The following IGSF5 variants were observed in gnomAD, a reference collection of about 807,000 sequenced individuals.
IGSF5 encodes the protein immunoglobulin superfamily 5 like.
Under a neutral mutation model 39.4 loss-of-function variants are expected in IGSF5, and 41 were observed. The observed-to-expected ratio is 1.04, with a 90% CI of 0.81 to 1.35. The LOEUF (loss-of-function observed/expected upper bound fraction) is 1.35, where lower values mean the gene tolerates loss of function less well. IGSF5 is among the 40% of genes most tolerant of loss of function. The pLI, the probability that IGSF5 is intolerant of heterozygous loss-of-function variation, is 0.00. For missense variants in IGSF5, 487 were observed against 494.6 expected (o/e 0.98, Z 0.15); for synonymous variants, 183 against 175.3 (o/e 1.04, Z -0.34).
intron 4 of IGSF5, among the ~76,000 whole-genome samples, chr21:39,776,690 G>C (rs1326695589): frequency 6.6e-6 from 1 of 152,162 alleles, no homozygotes; most frequent in East Asian, 1.9e-4. Context: ...CTCTGGGCTA[G>C]ATTAGAGGAA....
intron 2 of IGSF5, among the ~76,000 whole-genome samples, chr21:39,757,579 C>CTTT (rs35315186): frequency 7.6e-6 from 1 of 130,734 alleles, no homozygotes; most frequent in Non-Finnish European, 1.6e-5. Flanking sequence ...AATGTGCATT[C>CTTT]TTTTTTTTTT....
intron 4 of IGSF5, 100 bp from the exon 5 acceptor site, chr21:39,778,990 T>G: frequency 7.0e-7 from 1 of 1,421,942 alleles, no homozygotes; most frequent in Non-Finnish European, 9.5e-7. Flanking sequence ...GGCTGAATAG[T>G]TATAATATTA....
chr21:39,746,195 A>G (rs962734463), intron 1 of IGSF5, 21 bp from the exon 2 acceptor site: 1 of 701,644 alleles, frequency 1.4e-6, no homozygotes, highest in African/African-American at 1.7e-5. Context: ...GGAAGTGGCA[A>G]TGGGCGCCTC....
upstream of IGSF5, among the ~76,000 whole-genome samples, chr21:39,742,737 C>T (rs191914314): frequency 6.6e-6 from 1 of 152,088 alleles, no homozygotes; most frequent in African/African-American, 2.4e-5. Flanking sequence ...TTTTACAGAG[C>T]CTCCAAAGTC....
intron 3 of IGSF5, among the ~76,000 whole-genome samples, chr21:39,767,379 G>GGGAGCCAGAGTGGTCTAGTGGTCA (rs2080092133): frequency 6.6e-6 from 1 of 152,136 alleles, no homozygotes; most frequent in Non-Finnish European, 1.5e-5. Flanking sequence ...ACATTAAGTT[G>GGGAGCCAGAGTGGTCTAGTGGTCA]GGAGCCAGAG....
At chr21:39,723,010 TA>T in the IGSF5 span, among the ~76,000 whole-genome samples, 5 of 152,242 alleles carry the variant, frequency 3.3e-5, no homozygotes, top group African/African-American at 1.2e-4. Flanking sequence ...ATTTTACCTA[TA>T]AAAATGCATT....
At chr21:39,766,471 CT>C (rs2080087935) in intron 3 of IGSF5, among the ~76,000 whole-genome samples, 1 of 152,176 alleles carries the variant, frequency 6.6e-6, no homozygotes, top group Admixed American at 6.5e-5. Flanking sequence ...TGCTTTAACT[CT>C]TTCCTCTTTC....
chr21:39,758,217 CA>C (rs2080042537), intron 2 of IGSF5, among the ~76,000 whole-genome samples: 1 of 152,094 alleles, frequency 6.6e-6, no homozygotes, highest in Non-Finnish European at 1.5e-5. Flanking sequence ...CTGGAACACA[CA>C]ACTGCCAGAA....
At position 39,801,932 on chromosome 21, in the gene IGSF5, C is replaced by G. The variant is rs2087032412; in HGVS notation, c.*575C>G. On this transcript the variant is annotated 3_prime_UTR_variant, in exon 9 of 9. Coordinates refer to ENST00000380588, the MANE Select transcript of IGSF5 (RefSeq NM_001080444.2). ...TTTACATGAAGGCATTCATTTTTAT[C>G]TGCCCCTTTATCAGACCTATTTGCA... is the stretch of plus-strand genomic sequence containing the variant. The G allele has an allele frequency of 6.6e-6, 1 of 152,548 alleles. No homozygotes were observed. The highest frequency in any genetic ancestry group is 1.5e-5 in the Non-Finnish European group (1 of 68,326). The allele number at this position is 152,548 out of a possible 1,614,324, so 9.4% of individuals were successfully genotyped here.
intron 8 of IGSF5, among the ~76,000 whole-genome samples, chr21:39,795,095 C>T (rs1446607795): frequency 6.6e-6 from 1 of 152,180 alleles, no homozygotes; most frequent in African/African-American, 2.4e-5. Context: ...GCCTGAGTAA[C>T]AAATCGTTAG....
chr21:39,780,196 A>C (rs4818091), intron 5 of IGSF5, among the ~76,000 whole-genome samples: 119,137 of 152,114 alleles, frequency 0.78, 46,791 homozygotes, highest in Admixed American at 0.84. Context: ...GTGTGTTTTA[A>C]TAAAGCTCAG....
At chr21:39,742,146 C>T (rs545181559), upstream of IGSF5, among the ~76,000 whole-genome samples, 4 of 151,754 alleles carry the variant, frequency 2.6e-5, no homozygotes, top group Admixed American at 2.0e-4. Context: ...AGGACTAATT[C>T]CTTCCTCAAA....
chr21:39,745,657 T>G (rs1452115592), intron 1 of IGSF5, 131 bp downstream of exon 1: 4 of 639,676 alleles, frequency 6.3e-6, no homozygotes, highest in Non-Finnish European at 1.1e-5. Flanking sequence ...CCAAGAAAAT[T>G]GAAAGTGGAA....
intron 2 of IGSF5, among the ~76,000 whole-genome samples, chr21:39,747,680 C>A (rs771397709): frequency 6.6e-6 from 1 of 152,158 alleles, no homozygotes; most frequent in African/African-American, 2.4e-5. Context: ...TTGAGCAAAC[C>A]AAATGAGTGG....
chr21:39,740,810 C>G (rs1347732267), upstream of IGSF5, among the ~76,000 whole-genome samples: 3 of 152,192 alleles, frequency 2.0e-5, no homozygotes, highest in Non-Finnish European at 4.4e-5. Context: ...CAGCATTGGC[C>G]CTTCAAGTAA....
intron 2 of IGSF5, among the ~76,000 whole-genome samples, chr21:39,747,434 C>A (rs988962784): frequency 1.6e-4 from 10 of 63,910 alleles, no homozygotes; most frequent in African/African-American, 2.2e-4. Context: ...ATCACCTGGC[C>A]ACATGGCCTG....
At chr21:39,722,096 G>T in the IGSF5 span, among the ~76,000 whole-genome samples, 3 of 152,162 alleles carry the variant, frequency 2.0e-5, no homozygotes, top group African/African-American at 7.2e-5. Flanking sequence ...TTTGCCCATG[G>T]GCTGTGGCTA....
intron 6 of IGSF5, 54 bp from the exon 7 acceptor site, chr21:39,791,951 ACAT>A: frequency 8.6e-7 from 1 of 1,164,760 alleles, no homozygotes; most frequent in Non-Finnish European, 1.3e-6. Context: ...TTGCCAATTA[ACAT>A]TTGGCAATGT....
intron 5 of IGSF5, among the ~76,000 whole-genome samples, chr21:39,783,461 T>A (rs934449430): frequency 3.9e-5 from 6 of 152,190 alleles, no homozygotes; most frequent in African/African-American, 1.4e-4. Flanking sequence ...TCCCTGAGAA[T>A]TAGTGATGTT....
Sources: gnomAD v4.1 joint callset for allele counts (sites outside exome capture counted in the v4.1 genomes callset) on GRCh38, gnomAD v4.1.1 for gene constraint, MANE v1.5 for transcripts, NCBI Gene and HGNC (gene_info 2026-07-23, HGNC 2026-07-21) for gene names.